Variants in MYO16 observed in about 807,000 individuals in gnomAD.
The protein encoded by MYO16 is unconventional myosin-XVI.
A neutral mutation model predicts 205.3 loss-of-function variants in MYO16; 94 were observed. That is an observed-to-expected ratio of 0.46 (90% CI 0.39 to 0.54). The LOEUF (loss-of-function observed/expected upper bound fraction) is 0.54. MYO16 is among the 20% of genes least tolerant of loss of function. The pLI, the probability that MYO16 is intolerant of heterozygous loss-of-function variation, is 0.00. For synonymous variants in MYO16, 988 were observed against 954.0 expected, an observed-to-expected ratio of 1.04 and a Z score of -0.66; for missense variants, 2,315 against 2,387.5, an observed-to-expected ratio of 0.97 and a Z score of 0.63.
At chr13:108,823,403 A>G (rs1325085252) in intron 9 of MYO16, 125 bp downstream of exon 9, 1 of 772,454 alleles carries the variant, frequency 1.3e-6, no homozygotes, top group South Asian at 3.4e-5. Context: ...CAATGTATAT[A>G]CCAAAGAATA....
intron 27 of MYO16, among the ~76,000 whole-genome samples, chr13:109,081,584 C>T (rs1015831194): frequency 6.6e-6 from 1 of 152,030 alleles, no homozygotes; most frequent in African/African-American, 2.4e-5. Context: ...CCTTGAGCAA[C>T]GATGAGAGAT....
intron 20 of MYO16, among the ~76,000 whole-genome samples, chr13:108,984,521 G>T (rs1884560167): frequency 6.6e-6 from 1 of 152,190 alleles, no homozygotes; most frequent in African/African-American, 2.4e-5. Context: ...CTTTTCAGTG[G>T]TTGGTAATCA....
intron 7 of MYO16, among the ~76,000 whole-genome samples, chr13:108,807,773 G>A (rs943256963): frequency 1.3e-5 from 2 of 152,148 alleles, no homozygotes; most frequent in Non-Finnish European, 2.9e-5. Context: ...ATGGGGAGGA[G>A]CAGAAAGAAA....
chr13:108,585,739 T>C, the MYO16 span, among the ~76,000 whole-genome samples: 3 of 152,110 alleles, frequency 2.0e-5, no homozygotes, highest in Admixed American at 6.6e-5. Flanking sequence ...TCACAATATA[T>C]AGGGTCAAAT....
chr13:108,783,010 C>G (rs548314081), intron 4 of MYO16, among the ~76,000 whole-genome samples: 7 of 152,196 alleles, frequency 4.6e-5, no homozygotes, highest in Non-Finnish European at 1.0e-4. Flanking sequence ...AGCCCCCACA[C>G]AGAGTCTCTA....
At chr13:109,016,794 TG>T (rs200477668) in intron 22 of MYO16, among the ~76,000 whole-genome samples, 4,481 of 151,710 alleles carry the variant, frequency 0.03, 124 homozygotes, top group African/African-American at 0.068. Context: ...CTGCTTTTTT[TG>T]TTGTTGTTTT....
chr13:108,904,770 G>A (rs930521209), intron 15 of MYO16, among the ~76,000 whole-genome samples: 1 of 152,044 alleles, frequency 6.6e-6, no homozygotes, highest in African/African-American at 2.4e-5. Context: ...CTCTCATCCT[G>A]TTGCATCCAT....
intron 20 of MYO16, among the ~76,000 whole-genome samples, chr13:108,973,916 T>C (rs1306207239): frequency 1.3e-5 from 2 of 152,106 alleles, no homozygotes; most frequent in Admixed American, 1.3e-4. Context: ...AACATAATTA[T>C]AGCTTTGAAG....
At chr13:109,029,998 A>G (rs1041864862) in intron 23 of MYO16, among the ~76,000 whole-genome samples, 2 of 152,122 alleles carry the variant, frequency 1.3e-5, no homozygotes, top group African/African-American at 4.8e-5. Flanking sequence ...TTTTTTCATA[A>G]AGGAATCAAT....
chr13:109,022,090 A>C (rs112805056), intron 23 of MYO16, among the ~76,000 whole-genome samples: 59 of 141,420 alleles, frequency 4.2e-4, no homozygotes, highest in African/African-American at 1.6e-3. Context: ...TGTATGTATA[A>C]TATATACATA....
At chr13:108,691,424 G>A (rs1260341018) in intron 2 of MYO16, among the ~76,000 whole-genome samples, 1 of 151,998 alleles carries the variant, frequency 6.6e-6, no homozygotes, top group Non-Finnish European at 1.5e-5. Flanking sequence ...GTGAGAGAGA[G>A]AGATAGAGAG....
At chr13:108,903,507 C>T (rs1454682431) in intron 15 of MYO16, among the ~76,000 whole-genome samples, 1 of 152,076 alleles carries the variant, frequency 6.6e-6, no homozygotes, top group Non-Finnish European at 1.5e-5. Context: ...AGGATGAAGA[C>T]TTCAATATGT....
chr13:108,836,007 C>A (rs1173796671), intron 9 of MYO16, among the ~76,000 whole-genome samples: 1 of 152,136 alleles, frequency 6.6e-6, no homozygotes, highest in Non-Finnish European at 1.5e-5. Flanking sequence ...TGCTAGTCAC[C>A]AAGACAATGG....
chr13:108,743,224 C>A (rs1437243411), intron 4 of MYO16, among the ~76,000 whole-genome samples: 1 of 152,034 alleles, frequency 6.6e-6, no homozygotes, highest in South Asian at 2.1e-4. Flanking sequence ...GTTACTGACT[C>A]ATCTTCTCAG....
chr13:108,956,782 C>T (rs943597806), intron 16 of MYO16, among the ~76,000 whole-genome samples: 1 of 152,130 alleles, frequency 6.6e-6, no homozygotes, highest in East Asian at 1.9e-4. Flanking sequence ...GGTTGCAGCC[C>T]CTTCCTGCAC....
intron 32 of MYO16, among the ~76,000 whole-genome samples, chr13:109,142,759 G>C (rs1002925879): frequency 6.6e-6 from 1 of 152,108 alleles, no homozygotes; most frequent in African/African-American, 2.4e-5. Context: ...TTTACATGAG[G>C]TGAGCATGAA....
intron 15 of MYO16, among the ~76,000 whole-genome samples, chr13:108,905,293 A>G (rs1880912964): frequency 6.6e-6 from 1 of 152,172 alleles, no homozygotes; most frequent in Admixed American, 6.6e-5. Flanking sequence ...GCTGCTTTTC[A>G]GGTAATTGGA....
At chr13:108,888,569 C>T (rs1213068838) in intron 14 of MYO16, 92 bp downstream of exon 14, 5 of 679,996 alleles carry the variant, frequency 7.4e-6, no homozygotes, top group Non-Finnish European at 1.2e-5. Context: ...ATAATAGATA[C>T]AAGGGGGTTC....
At chr13:108,876,200 A>C (rs565524420) in intron 12 of MYO16, among the ~76,000 whole-genome samples, 1 of 152,336 alleles carries the variant, frequency 6.6e-6, no homozygotes, top group South Asian at 2.1e-4. Flanking sequence ...CTTCTGGAAT[A>C]ATTAAAAATG....
Sources: gnomAD v4.1 joint callset for allele counts (sites outside exome capture counted in the v4.1 genomes callset) on GRCh38, gnomAD v4.1.1 for gene constraint, MANE v1.5 for transcripts, NCBI Gene and HGNC (gene_info 2026-07-23, HGNC 2026-07-21) for gene names.